RIF1: variants seen among roughly 807,000 people sequenced by gnomAD.
RIF1 encodes the protein telomere-associated protein RIF1.
A neutral mutation model predicts 247.1 loss-of-function variants in RIF1; 45 were observed. That is an observed-to-expected ratio of 0.18 (90% CI 0.14 to 0.23). The LOEUF (loss-of-function observed/expected upper bound fraction) is 0.23. Among genes scored for constraint, RIF1 ranks in the 10% least tolerant of loss-of-function variants. The probability of loss-of-function intolerance (pLI) is 1.00; values close to 1 mark genes in which losing one functional copy is unlikely to be tolerated. For synonymous variants in RIF1, 1,087 were observed against 978.8 expected, an observed-to-expected ratio of 1.11 and a Z score of -2.06; for missense variants, 2,967 against 2,862.5, an observed-to-expected ratio of 1.04 and a Z score of -0.83.
intron 12 of RIF1, 89 bp from the exon 13 acceptor site, chr2:151,437,149 CCTA>C (rs1691380087): frequency 1.6e-6 from 2 of 1,213,556 alleles, no homozygotes; most frequent in African/African-American, 1.5e-5. Context: ...AGAAAACACA[CCTA>C]CTTAATAGAC....
intron 10 of RIF1, among the ~76,000 whole-genome samples, chr2:151,434,472 G>A (rs1255611394): frequency 8.4e-6 from 1 of 119,516 alleles, no homozygotes; most frequent in African/African-American, 3.2e-5. Context: ...ATGGAGTCTC[G>A]CTCTGTTGCC....
At chr2:151,502,131 A>ACAT (rs2065100513) in intron 11 of RIF1, among the ~76,000 whole-genome samples, 1 of 152,166 alleles carries the variant, frequency 6.6e-6, no homozygotes, top group African/African-American at 2.4e-5. Context: ...GGAAAACCAA[A>ACAT]CATTGTATGT....
At position 151,457,786 on chromosome 2, in the gene RIF1, T is replaced by C. The variant is rs759227057; in HGVS notation, c.2678T>C (p.Ile893Thr). The C allele has an allele frequency of 1.1e-5, 17 of 1,613,796 alleles. No individual in the cohort carries two copies. The African/African-American group carries it at 2.1e-4, about 20-fold the overall frequency. The change falls in exon 24 of 36, where the codon ATT (isoleucine) becomes ACT (threonine). Residue 893 changes from isoleucine to threonine, a missense_variant. Around this residue, in one of 7 missense-constraint regions of RIF1, gnomAD observed 2,028 missense variants for 1,825.6 expected, o/e 1.11. Coordinates refer to ENST00000444746, the MANE Select transcript of RIF1 (RefSeq NM_018151.5). ...TTAGAAAAGCTACTGGGAGAAATTA[T>C]TGCTTGTCTGCAATTCAGCTACACC... is the stretch of plus-strand genomic sequence containing the variant. ...NKLEKLLGEI[I>T]ACLQFSYTGT...
chr2:151,453,791 C>T (rs1003026121), intron 21 of RIF1, among the ~76,000 whole-genome samples: 1 of 152,098 alleles, frequency 6.6e-6, no homozygotes, highest in African/African-American at 2.4e-5. Flanking sequence ...CCAGGTTTTC[C>T]ACTGTAAGGT....
At chr2:151,509,690 T>G (rs897729453), downstream of RIF1, among the ~76,000 whole-genome samples, 1 of 152,162 alleles carries the variant, frequency 6.6e-6, no homozygotes, top group Non-Finnish European at 1.5e-5. Flanking sequence ...TCCAGTGACG[T>G]GATCTTGGCT....
chr2:151,514,348 T>G, the RIF1 span: 1 of 1,613,714 alleles, frequency 6.2e-7, no homozygotes, highest in Non-Finnish European at 8.5e-7. Context: ...CATTCTTTGC[T>G]CTTAGCATGT....
chr2:151,473,675 G>A (rs2048754347), intron 34 of RIF1, among the ~76,000 whole-genome samples: 1 of 151,954 alleles, frequency 6.6e-6, no homozygotes, highest in South Asian at 2.1e-4. Context: ...CTTAAACTTG[G>A]GAAATAGAAT....
intron 4 of RIF1, among the ~76,000 whole-genome samples, chr2:151,416,122 A>C (rs996113529): frequency 2.0e-5 from 3 of 152,214 alleles, no homozygotes; most frequent in Admixed American, 2.0e-4. Context: ...TCTTTAGAGA[A>C]GGGAAGTTAG....
At chr2:151,411,143 G>A (rs1686129531) in intron 2 of RIF1, 117 bp from the exon 3 acceptor site, 6 of 661,382 alleles carry the variant, frequency 9.1e-6, no homozygotes, top group Admixed American at 5.7e-5. Context: ...TACCTACTGG[G>A]TCAATTCATT....
chr2:151,505,622 ATTC>A, intron 12 of RIF1: 2 of 1,411,126 alleles, frequency 1.4e-6, no homozygotes. Context: ...CTGGACTGTT[ATTC>A]TTCCCAACAT....
chr2:151,518,243 A>T, the RIF1 span: 6 of 1,026,812 alleles, frequency 5.8e-6, no homozygotes, highest in Non-Finnish European at 9.3e-6. Context: ...AATGGAGGGA[A>T]TCTATGAAAT....
rs149293885 is a variant in RIF1, at chr2:151,464,039, G to A, written c.4519G>A (p.Asp1507Asn). 9.4e-5 allele frequency: 151 copies of A among 1,611,050 alleles called. 2 individuals carry two copies. In the African/African-American group the frequency reaches 1.8e-3, roughly 19 times the overall value. Residue 1507 changes from aspartate to asparagine, a missense_variant, in exon 30 of 36, where the codon GAC (aspartate) becomes AAC (asparagine). Asp to Asn is a conservative substitution (Grantham distance 23). Transcript: ENST00000444746. ...AETEQNKKKA[D>N]PENIKSEGDG... ...AACTGAACAAAATAAAAAAAAGGCAGACCCTGAGAACATTAAGTCTGAGGG... is the reference window on the plus strand; with the variant it reads ...AACTGAACAAAATAAAAAAAAGGCAAACCCTGAGAACATTAAGTCTGAGGG...
intron 11 of RIF1, chr2:151,501,495 AAACC>A: frequency 7.0e-7 from 1 of 1,433,494 alleles, no homozygotes; most frequent in Non-Finnish European, 9.3e-7. Flanking sequence ...TGTGTGCACA[AAACC>A]AACAAACAAA....
chr2:151,518,261 C>T, the RIF1 span: 1 of 1,258,200 alleles, frequency 7.9e-7, no homozygotes, highest in Non-Finnish European at 1.2e-6. Flanking sequence ...AATTTTTTTT[C>T]ACATTGTACT....
chr2:151,531,248 T>C, the RIF1 span: 357,093 of 558,398 alleles, frequency 0.64, 117,455 homozygotes, highest in East Asian at 0.8. Context: ...CTGCTAAGAC[T>C]TCAGTGTTTC....
the RIF1 span, chr2:151,519,792 A>T: frequency 6.8e-7 from 1 of 1,465,788 alleles, no homozygotes; most frequent in Non-Finnish European, 9.6e-7. Context: ...CAAACATCCA[A>T]ATTATTCCTG....
At chr2:151,436,803 A>G in intron 11 of RIF1, 24 bp from the exon 12 acceptor site, 2 of 1,486,840 alleles carry the variant, frequency 1.3e-6, no homozygotes, top group Non-Finnish European at 1.8e-6. Flanking sequence ...GTATGACTTA[A>G]CTCTTTTTTT....
intron 6 of RIF1, among the ~76,000 whole-genome samples, chr2:151,418,002 T>TA (rs1687508823): frequency 6.6e-6 from 1 of 152,040 alleles, no homozygotes; most frequent in Non-Finnish European, 1.5e-5. Context: ...TAAAAAAGAT[T>TA]AAAAAATGGT....
chr2:151,500,343 T>C (rs1388830268), intron 11 of RIF1, among the ~76,000 whole-genome samples: 1 of 152,124 alleles, frequency 6.6e-6, no homozygotes, highest in African/African-American at 2.4e-5. Context: ...CATCTAAATT[T>C]TCCTAATGAC....
Sources: allele counts gnomAD v4.1 joint callset (sites outside exome capture counted in the v4.1 genomes callset), GRCh38; gene constraint gnomAD v4.1.1; regional missense constraint gnomAD v4.1.1; transcripts MANE v1.5; gene names NCBI Gene and HGNC (gene_info 2026-07-23, HGNC 2026-07-21).